LUC7L: variants seen among roughly 807,000 people sequenced by gnomAD.
LUC7L encodes LUC7 like.
In LUC7L, 29 loss-of-function variants were observed where a neutral mutation model predicts 51.1. That is an observed-to-expected ratio of 0.57 (90% CI 0.42 to 0.77). The LOEUF (loss-of-function observed/expected upper bound fraction) is 0.77, where lower values mean the gene tolerates loss of function less well. Ranked by LOEUF, LUC7L falls within the 30% of genes least tolerant of loss-of-function variation. The pLI, the probability that LUC7L is intolerant of heterozygous loss-of-function variation, is 0.00. For missense variants in LUC7L, 403 were observed against 511.9 expected (o/e 0.79, Z 2.05); for synonymous variants, 181 against 180.7 (o/e 1.00, Z -0.01).
intron 5 of LUC7L, among the ~76,000 whole-genome samples, chr16:199,849 G>A (rs979419182): frequency 6.6e-6 from 1 of 151,600 alleles, no homozygotes; most frequent in East Asian, 1.9e-4. Context: ...AATCAGCTGG[G>A]TGTGGTGGCA....
intron 5 of LUC7L, among the ~76,000 whole-genome samples, chr16:202,770 C>T (rs1277241794): frequency 6.6e-6 from 1 of 152,144 alleles, no homozygotes; most frequent in African/African-American, 2.4e-5. Flanking sequence ...CGGATCCACC[C>T]ACTTTAAAGG....
Position 190,027 on chromosome 16 carries a change from A to G in LUC7L, c.915T>C (p.Arg305=). Reference sequence around the variant, plus strand: ...GATGTCCCCGGCTGTGGCTCCGGGAACGGCTGCGGTGGCGCCGATGTCTAT... The same window carrying G: ...GATGTCCCCGGCTGTGGCTCCGGGAGCGGCTGCGGTGGCGCCGATGTCTAT... ...SRDRHRRHRS[R]SRSHSRGHRR... Residue 305 remains arginine (R), a synonymous_variant, in exon 9 of 10, where the codon CGT becomes CGC. Transcript: ENST00000293872. 1 of 1,614,004 alleles carries G rather than the reference A, an allele frequency of 6.2e-7. No individual in the cohort carries two copies. The highest frequency in any genetic ancestry group is 8.5e-7 in the Non-Finnish European group (1 of 1,179,992).
Position 190,529 on chromosome 16 carries a change from C to G in LUC7L, c.806+12G>C, listed in dbSNP as rs116319076. 1,957 of 1,613,696 alleles carry G rather than the reference C, an allele frequency of 1.2e-3. 21 individuals are homozygous for G. The African/African-American group carries it at 0.024, about 20-fold the overall frequency. On this transcript the variant is annotated intron_variant, in intron 8 of 9. Transcript: ENST00000293872. Reference sequence around the variant, plus strand: ...AAAATTTGAGAACATTTTAATGGACCTGGAAACCTACCTCCTGCGATCTCT... The same window carrying G: ...AAAATTTGAGAACATTTTAATGGACGTGGAAACCTACCTCCTGCGATCTCT...
Position 208,107 on chromosome 16 carries a change from C to T in LUC7L, c.337G>A (p.Glu113Lys). Residue 113 changes from glutamate (E) to lysine (K), a missense_variant, in exon 4 of 10, where the codon GAG becomes AAG. By Grantham distance (56) the Glu-to-Lys change is moderately conservative (BLOSUM62 1). Transcript: ENST00000293872. ...LAKKRLAETQ[E>K]EISAEVSAKA... Reference sequence around the variant, plus strand: ...GCAGAAACTTCCGCACTGATTTCCTCCTGTGTTTCTGCCAGCCGCTTCTTG... The same window carrying T: ...GCAGAAACTTCCGCACTGATTTCCTTCTGTGTTTCTGCCAGCCGCTTCTTG... The T allele has an allele frequency of 1.2e-6, 2 of 1,613,664 alleles. No individual in the cohort carries two copies. Among genetic ancestry groups the T allele is most frequent in the South Asian group, 1.1e-5 (1 of 91,016 alleles).
chr16:222,397 G>T (rs991117847), intron 2 of LUC7L, among the ~76,000 whole-genome samples: 2 of 151,766 alleles, frequency 1.3e-5, no homozygotes, highest in Non-Finnish European at 2.9e-5. Context: ...AACACCTTTG[G>T]GAGGGCAAGA....
chr16:217,654 C>T (rs1023693434), intron 3 of LUC7L, among the ~76,000 whole-genome samples: 1 of 151,332 alleles, frequency 6.6e-6, no homozygotes, highest in East Asian at 2.0e-4. Flanking sequence ...TTGCAGTGGG[C>T]CGAGATCACA....
intron 5 of LUC7L, among the ~76,000 whole-genome samples, chr16:203,331 C>T (rs2049385775): frequency 6.6e-6 from 1 of 152,130 alleles, no homozygotes; most frequent in South Asian, 2.1e-4. Context: ...TCTACAATCG[C>T]TTTCAGAAAA....
intron 3 of LUC7L, among the ~76,000 whole-genome samples, chr16:216,431 G>A (rs1269903731): frequency 8.8e-5 from 12 of 137,034 alleles, no homozygotes; most frequent in African/African-American, 3.1e-4. Flanking sequence ...TGTCCAGGCT[G>A]GAGTGCAGTG....
intron 3 of LUC7L, chr16:208,577 G>C (rs2049551260): frequency 4.9e-6 from 5 of 1,029,802 alleles, no homozygotes; most frequent in Non-Finnish European, 5.8e-6. Flanking sequence ...GGGGAGTTGT[G>C]AGAGATGCAT....
Position 191,981 on chromosome 16 carries a change from CCAAA to C in LUC7L, c.776+942_776+945del, listed in dbSNP as rs370580031. 1.6e-3 allele frequency among the ~76,000 whole-genome samples: 249 copies of C among 152,222 alleles called. 1 individual carries two copies. In the East Asian group the frequency reaches 0.025, roughly 15 times the overall value. On this transcript the variant is annotated intron_variant, in intron 7 of 9. Coordinates refer to ENST00000293872, the MANE Select transcript of LUC7L (RefSeq NM_201412.3). Reference sequence around the variant, plus strand: ...CTTCTGGCTCCTACCTCTTTGAACTCCAAACAGACTCAACAGCCCCACCTCAAGA... The same window carrying C: ...CTTCTGGCTCCTACCTCTTTGAACTCCAGACTCAACAGCCCCACCTCAAGA...
chr16:221,465 G>A (rs1307667959), intron 2 of LUC7L, among the ~76,000 whole-genome samples: 2 of 152,052 alleles, frequency 1.3e-5, no homozygotes, highest in Non-Finnish European at 1.5e-5. Flanking sequence ...ACTTTGGGAG[G>A]GTGAGGCAGG....
At chr16:203,721 G>GGGGGGGT (rs2049398942) in intron 5 of LUC7L, among the ~76,000 whole-genome samples, 1 of 122,328 alleles carries the variant, frequency 8.2e-6, no homozygotes, top group Non-Finnish European at 1.7e-5. Context: ...GGGGGGCGGG[G>GGGGGGGT]TGGAGGTGGG....
At chr16:216,877 G>A (rs577206567) in intron 3 of LUC7L, among the ~76,000 whole-genome samples, 2 of 151,984 alleles carry the variant, frequency 1.3e-5, no homozygotes, top group Non-Finnish European at 2.9e-5. Context: ...GCATTTTTTT[G>A]TAGAGACGGG....
intron 2 of LUC7L, among the ~76,000 whole-genome samples, chr16:222,811 G>C (rs1175811201): frequency 6.6e-6 from 1 of 151,460 alleles, no homozygotes; most frequent in Non-Finnish European, 1.5e-5. Flanking sequence ...TGTATTTTCA[G>C]TAGAGATGGG....
chr16:192,015 C>T (rs2049022804), intron 7 of LUC7L, among the ~76,000 whole-genome samples: 1 of 152,108 alleles, frequency 6.6e-6, no homozygotes, highest in Non-Finnish European at 1.5e-5. Flanking sequence ...TCAAGATGGC[C>T]TCTCAAGCTG....
intron 9 of LUC7L, chr16:189,554 C>G (rs1005035838): frequency 1.3e-4 from 185 of 1,386,520 alleles, no homozygotes; most frequent in Admixed American, 3.0e-5. Context: ...ATAAGGAGAG[C>G]CTTCACTGTA....
In LUC7L at chr16:218,451, G is replaced by A. The variant is rs12597673; in HGVS notation, c.255+2198C>T. 5.6e-4 allele frequency among the ~76,000 whole-genome samples: 85 copies of A among 152,188 alleles called. No homozygotes were observed. The East Asian group carries it at 0.016, about 28-fold the overall frequency. On this transcript the variant is annotated intron_variant, in intron 3 of 9. Transcript: ENST00000293872. ...ATCATGTATTCTTACCAGGCACAGT[G>A]TAATCACACCTGTAAACCCAGCACT...
At chr16:202,878 T>C (rs2049373341) in intron 5 of LUC7L, among the ~76,000 whole-genome samples, 1 of 152,228 alleles carries the variant, frequency 6.6e-6, no homozygotes, top group Non-Finnish European at 1.5e-5. Context: ...CCAGGAGCAG[T>C]GGCTCACGCC....
rs751600919 is a variant in LUC7L at position 189,958 on chromosome 16, G to C, written c.974+10C>G. On this transcript the variant is annotated intron_variant, in intron 9 of 9. Coordinates refer to ENST00000293872, the MANE Select transcript of LUC7L (RefSeq NM_201412.3). ...CTGGTTGCAGCTACCGAAGGAGTCA[G>C]AGTAGTTACTTGTATTTCGCACTTC... 3 of 1,608,500 alleles carry C rather than the reference G, an allele frequency of 1.9e-6. No homozygotes were observed. Among genetic ancestry groups the C allele is most frequent in the South Asian group, 1.1e-5 (1 of 90,554 alleles).
Sources: gnomAD v4.1 joint callset for allele counts (sites outside exome capture counted in the v4.1 genomes callset) on GRCh38, gnomAD v4.1.1 for gene constraint, MANE v1.5 for transcripts, NCBI Gene and HGNC (gene_info 2026-07-23, HGNC 2026-07-21) for gene names.